The following ABCD2 variants were observed in gnomAD, a reference collection of about 807,000 sequenced individuals.
The protein encoded by ABCD2 is ATP binding cassette subfamily D member 2, also known as ATP-binding cassette sub-family D member 2.
ABCD2 carries 36 observed loss-of-function variants against 70.9 expected under a neutral mutation model. The observed-to-expected ratio is 0.51, with a 90% CI of 0.39 to 0.67. The LOEUF is 0.67. Ranked by LOEUF, ABCD2 falls within the 30% of genes least tolerant of loss-of-function variation. The probability of loss-of-function intolerance (pLI) is 0.00; values close to 1 mark genes in which losing one functional copy is unlikely to be tolerated. For missense variants in ABCD2, 729 were observed against 890.2 expected (o/e 0.82, Z 2.30); for synonymous variants, 304 against 306.9 (o/e 0.99, Z 0.10).
At chr12:39,571,855 A>G (rs1010590220) in intron 9 of ABCD2, among the ~76,000 whole-genome samples, 1 of 152,178 alleles carries the variant, frequency 6.6e-6, no homozygotes, top group Non-Finnish European at 1.5e-5. Context: ...AATCTTTACA[A>G]TCAACAATTA....
At chr12:39,573,116 C>T (rs959365064) in intron 9 of ABCD2, among the ~76,000 whole-genome samples, 1 of 151,972 alleles carries the variant, frequency 6.6e-6, no homozygotes, top group African/African-American at 2.4e-5. Context: ...GTACCTGGAA[C>T]AGAATAAGTG....
intron 5 of ABCD2, among the ~76,000 whole-genome samples, chr12:39,601,574 C>G (rs1941897847): frequency 1.3e-5 from 2 of 151,880 alleles, no homozygotes; most frequent in South Asian, 4.1e-4. Context: ...CAACAATCAA[C>G]AGAAACACCA....
intron 9 of ABCD2, among the ~76,000 whole-genome samples, chr12:39,560,698 T>C (rs1288499209): frequency 6.6e-6 from 1 of 152,032 alleles, no homozygotes; most frequent in Non-Finnish European, 1.5e-5. Context: ...AAATTCAAAA[T>C]GGGGAGATAA....
rs933456756 is a variant in ABCD2 at position 39,550,694 on chromosome 12, G to A, written c.*3218C>T. The A allele has an allele frequency of 1.3e-5, 2 of 151,866 alleles. No individual in the cohort carries two copies. Among genetic ancestry groups the A allele is most frequent in the Admixed American group, 1.3e-4 (2 of 15,228 alleles). 9.4% of individuals were successfully genotyped at this position (151,866 alleles called of 1,614,324 possible). Reference sequence around the variant, plus strand: ...ATAATCAGAACTGTAAATAGCCTAGGCTATGTGAAAGTACTTTTCACTTCT... The same window carrying A: ...ATAATCAGAACTGTAAATAGCCTAGACTATGTGAAAGTACTTTTCACTTCT... On this transcript the variant is annotated 3_prime_UTR_variant, in exon 10 of 10. Coordinates refer to ENST00000308666, the MANE Select transcript of ABCD2 (RefSeq NM_005164.4).
At chr12:39,548,037 C>T (rs935599909), downstream of ABCD2, among the ~76,000 whole-genome samples, 3 of 152,100 alleles carry the variant, frequency 2.0e-5, no homozygotes, top group Non-Finnish European at 2.9e-5. Context: ...CCAGTAGAAA[C>T]TGTACTTCCA....
At chr12:39,548,568 G>A (rs1048787571), downstream of ABCD2, among the ~76,000 whole-genome samples, 5 of 151,886 alleles carry the variant, frequency 3.3e-5, no homozygotes, top group Admixed American at 2.0e-4. Context: ...CTTTCCATAA[G>A]CTGTCACCTG....
intron 9 of ABCD2, among the ~76,000 whole-genome samples, chr12:39,571,104 T>C (rs1040942205): frequency 3.9e-5 from 6 of 152,154 alleles, no homozygotes; most frequent in Non-Finnish European, 8.8e-5. Flanking sequence ...AAAAGGGAAC[T>C]CTTACACACC....
the ABCD2 span, among the ~76,000 whole-genome samples, chr12:39,536,658 G>A: frequency 6.6e-6 from 1 of 152,118 alleles, no homozygotes; most frequent in African/African-American, 2.4e-5. Flanking sequence ...GGTGCTTAGA[G>A]CATTTTAGGA....
chr12:39,570,843 A>G (rs944009873), intron 9 of ABCD2, among the ~76,000 whole-genome samples: 3 of 152,190 alleles, frequency 2.0e-5, no homozygotes, highest in African/African-American at 7.2e-5. Flanking sequence ...AATATTTGGA[A>G]ACTATATATC....
downstream of ABCD2, among the ~76,000 whole-genome samples, chr12:39,545,931 G>A (rs995898347): frequency 1.3e-5 from 2 of 152,110 alleles, no homozygotes; most frequent in African/African-American, 4.8e-5. Flanking sequence ...AAAACATGGA[G>A]CTAGATAGTC....
At chr12:39,591,764 G>A (rs1941749566) in intron 6 of ABCD2, among the ~76,000 whole-genome samples, 1 of 151,984 alleles carries the variant, frequency 6.6e-6, no homozygotes, top group African/African-American at 2.4e-5. Flanking sequence ...GTATTGCTAA[G>A]CTGTTAAAAA....
chr12:39,565,060 C>T (rs1239838564), intron 9 of ABCD2, among the ~76,000 whole-genome samples: 6 of 152,102 alleles, frequency 3.9e-5, no homozygotes, highest in Admixed American at 6.5e-5. Flanking sequence ...AGTCGGGTAG[C>T]GTGATGCCTC....
intron 8 of ABCD2, among the ~76,000 whole-genome samples, chr12:39,575,955 A>C (rs780993412): frequency 3.9e-5 from 6 of 152,228 alleles, no homozygotes; most frequent in Non-Finnish European, 8.8e-5. Context: ...AACATTTATT[A>C]ATGCCACTTG....
At chr12:39,594,804 A>G (rs948961418) in intron 6 of ABCD2, among the ~76,000 whole-genome samples, 1 of 151,320 alleles carries the variant, frequency 6.6e-6, no homozygotes, top group African/African-American at 2.4e-5. Context: ...TGAAACCCCA[A>G]CTCTACTAAA....
intron 9 of ABCD2, among the ~76,000 whole-genome samples, chr12:39,560,772 TATAAG>T (rs1941245096): frequency 1.3e-5 from 2 of 152,166 alleles, no homozygotes; most frequent in Admixed American, 1.3e-4. Flanking sequence ...AATAACATGT[TATAAG>T]ATGTTTTTAT....
intron 8 of ABCD2, among the ~76,000 whole-genome samples, chr12:39,578,240 C>T (rs112384591): frequency 0.016 from 2,485 of 152,128 alleles, 78 homozygotes; most frequent in African/African-American, 0.056. Context: ...TTTGGGAGGC[C>T]GAGGCGGGCG....
At chr12:39,568,032 C>G (rs11172643) in intron 9 of ABCD2, among the ~76,000 whole-genome samples, 51,251 of 150,044 alleles carry the variant, frequency 0.34, 10,587 homozygotes, top group African/African-American at 0.58. Flanking sequence ...TGGGTAACCC[C>G]ACCTTTCTCT....
chr12:39,576,128 T>A (rs1382224231), intron 8 of ABCD2, among the ~76,000 whole-genome samples: 11 of 152,152 alleles, frequency 7.2e-5, no homozygotes, highest in Admixed American at 7.2e-4. Flanking sequence ...TAACAGCTGG[T>A]CATAAATGCC....
At chr12:39,560,493 A>T (rs1452560411) in intron 9 of ABCD2, among the ~76,000 whole-genome samples, 6 of 152,226 alleles carry the variant, frequency 3.9e-5, no homozygotes, top group Non-Finnish European at 8.8e-5. Flanking sequence ...AGACAAAACT[A>T]TTAAAAATTA....
Sources: gnomAD v4.1 joint callset for allele counts (sites outside exome capture counted in the v4.1 genomes callset) on GRCh38, gnomAD v4.1.1 for gene constraint, MANE v1.5 for transcripts, NCBI Gene and HGNC (gene_info 2026-07-23, HGNC 2026-07-21) for gene names.